The following UBE2E2 variants were observed in gnomAD, a reference collection of about 807,000 sequenced individuals.
UBE2E2 encodes the protein ubiquitin conjugating enzyme E2 E2, also known as ubiquitin-conjugating enzyme E2 E2.
A neutral mutation model predicts 24.7 loss-of-function variants in UBE2E2; 6 were observed. The ratio of observed to expected loss-of-function variants is 0.24; its 90% confidence interval spans 0.13 to 0.48. The LOEUF (loss-of-function observed/expected upper bound fraction) is 0.48. Among genes scored for constraint, UBE2E2 ranks in the 20% least tolerant of loss-of-function variants. The pLI, the probability that UBE2E2 is intolerant of heterozygous loss-of-function variation, is 0.99. For synonymous variants in UBE2E2, 104 were observed against 83.6 expected (o/e 1.24, Z -1.33); for missense variants, 169 against 245.0 (o/e 0.69, Z 2.07).
chr3:23,466,334 G>A (rs751304282), intron 3 of UBE2E2, among the ~76,000 whole-genome samples: 5 of 152,142 alleles, frequency 3.3e-5, no homozygotes, highest in African/African-American at 4.8e-5. Context: ...CCTGAAATAC[G>A]CATGATGATC....
Position 23,280,202 on chromosome 3 carries a change from ATAAC to A in UBE2E2, c.227+62895_227+62898del, listed in dbSNP as rs1698457584. Among the ~76,000 whole-genome samples the A allele has an allele frequency of 6.6e-6, 1 of 152,218 alleles. No homozygotes were observed. The highest frequency in any genetic ancestry group is 1.5e-5 in the Non-Finnish European group (1 of 68,042). On this transcript the variant is annotated intron_variant, in intron 3 of 5. Coordinates refer to ENST00000396703, the MANE Select transcript of UBE2E2 (RefSeq NM_152653.4). This position sits in a 1 kb window ranked among gnomAD's most constrained non-coding sequence, Gnocchi z 4.3. The stretch of plus-strand genomic sequence containing the variant: ...CAAAGGTAGGCTGTGGGTACCAAAG[ATAAC>A]TAACCTATAATAACCTATTTTGGGG...
intron 4 of UBE2E2, among the ~76,000 whole-genome samples, chr3:23,531,180 A>T (rs1027195312): frequency 2.6e-5 from 4 of 152,122 alleles, no homozygotes; most frequent in African/African-American, 7.2e-5. Flanking sequence ...GCATCATGTA[A>T]ATTACATAAA....
chr3:23,283,056 G>A (rs891122642), intron 3 of UBE2E2, among the ~76,000 whole-genome samples: 1 of 152,112 alleles, frequency 6.6e-6, no homozygotes, highest in Non-Finnish European at 1.5e-5. Flanking sequence ...TCCAGAGATA[G>A]TCTTTAAACT....
chr3:23,268,632 G>A (rs997656465), intron 3 of UBE2E2, among the ~76,000 whole-genome samples: 381 of 148,188 alleles, frequency 2.6e-3, no homozygotes, highest in African/African-American at 8.6e-3. Context: ...ACTGCCCAAG[G>A]TAATTTATAG....
chr3:23,274,022 A>G (rs1698318835), intron 3 of UBE2E2: 1 of 152,260 alleles, frequency 6.6e-6, no homozygotes, highest in South Asian at 2.1e-4. Flanking sequence ...ACAATGGGAA[A>G]AAAAATGCTG....
intron 3 of UBE2E2, among the ~76,000 whole-genome samples, chr3:23,289,642 A>G (rs1487475819): frequency 6.6e-6 from 1 of 152,196 alleles, no homozygotes; most frequent in Non-Finnish European, 1.5e-5. Flanking sequence ...TACATTTTAC[A>G]CATCTTTTCT....
chr3:23,460,996 G>A (rs2125425033), intron 3 of UBE2E2, among the ~76,000 whole-genome samples: 1 of 152,232 alleles, frequency 6.6e-6, no homozygotes, highest in African/African-American at 2.4e-5. Context: ...CCATTTTATA[G>A]ATAAGGAAAC....
At chr3:23,438,803 G>T (rs1187622412) in intron 3 of UBE2E2, among the ~76,000 whole-genome samples, 4 of 152,140 alleles carry the variant, frequency 2.6e-5, no homozygotes, top group African/African-American at 9.7e-5. Context: ...TTTGGTTTCA[G>T]CTGTATTCAT....
chr3:23,221,049 A>G (rs919242340), intron 3 of UBE2E2, among the ~76,000 whole-genome samples: 2 of 152,226 alleles, frequency 1.3e-5, no homozygotes, highest in Non-Finnish European at 2.9e-5. Context: ...TGCTACTGCT[A>G]AAGTTTGTAT....
intron 4 of UBE2E2, among the ~76,000 whole-genome samples, chr3:23,505,217 G>A (rs890010258): frequency 4.0e-5 from 6 of 151,498 alleles, no homozygotes; most frequent in African/African-American, 7.3e-5. Flanking sequence ...CACCGCCGCC[G>A]GCCTGTGTTA....
At chr3:23,530,993 G>A (rs1190472073) in intron 4 of UBE2E2, among the ~76,000 whole-genome samples, 1 of 152,154 alleles carries the variant, frequency 6.6e-6, no homozygotes, top group South Asian at 2.1e-4. Flanking sequence ...AAGAATGTTG[G>A]TTATATTTTC....
rs529742529 is a variant in UBE2E2 at position 23,232,365 on chromosome 3, T to C, written c.227+15053T>C. On this transcript the variant is annotated intron_variant, in intron 3 of 5. Coordinates refer to ENST00000396703, the MANE Select transcript of UBE2E2 (RefSeq NM_152653.4). ...TGCATGTTGTTTCATAAATACCTTT[T>C]ACCTGACGTAGTCAAGAAATAAAAA... 7.9e-5 allele frequency among the ~76,000 whole-genome samples: 12 copies of C among 152,372 alleles called. No individual in the cohort carries two copies. In the South Asian group the frequency reaches 2.1e-3, roughly 26 times the overall value.
chr3:23,575,490 A>T lies in UBE2E2; in HGVS notation c.509-14244A>T, dbSNP rs139114232. ...AAAGTGTTCCTTCATATTAGAAAAA[A>T]TGGACTAAGGACATGAACAAAATAC... On this transcript the variant is annotated intron_variant, in intron 5 of 5. Coordinates refer to ENST00000396703, the MANE Select transcript of UBE2E2 (RefSeq NM_152653.4). Among the ~76,000 whole-genome samples the T allele has an allele frequency of 1.5e-4, 23 of 152,296 alleles. 1 individual carries two copies. In the East Asian group the frequency reaches 3.7e-3, roughly 24 times the overall value.
intron 5 of UBE2E2, among the ~76,000 whole-genome samples, chr3:23,578,005 C>T (rs1696385719): frequency 7.6e-6 from 1 of 132,342 alleles, no homozygotes; most frequent in Non-Finnish European, 1.6e-5. Flanking sequence ...AGACCTACCT[C>T]TCAGAAAAAA....
chr3:23,397,119 G>T (rs917241484), intron 3 of UBE2E2, among the ~76,000 whole-genome samples: 1 of 152,132 alleles, frequency 6.6e-6, no homozygotes, highest in Non-Finnish European at 1.5e-5. Flanking sequence ...TGTCATATAT[G>T]ATCGATCGTG....
intron 3 of UBE2E2, among the ~76,000 whole-genome samples, chr3:23,312,487 T>A (rs1559343866): frequency 6.6e-6 from 1 of 151,996 alleles, no homozygotes; most frequent in African/African-American, 2.4e-5. Flanking sequence ...TTTTTTTTTT[T>A]AATCCGTTAA....
chr3:23,420,232 G>A lies in UBE2E2; in HGVS notation c.228-79376G>A, dbSNP rs531640511. 8.5e-5 allele frequency among the ~76,000 whole-genome samples: 13 copies of A among 152,300 alleles called. No individual in the cohort carries two copies. In the South Asian group the frequency reaches 2.7e-3, roughly 32 times the overall value. On this transcript the variant is annotated intron_variant, in intron 3 of 5. Coordinates refer to ENST00000396703, the MANE Select transcript of UBE2E2 (RefSeq NM_152653.4). The stretch of plus-strand genomic sequence containing the variant: ...TGTAGCCATCATAGCATCTGACACA[G>A]TGCATTGCATATTGTAAGAGCCCAG...
intron 3 of UBE2E2, among the ~76,000 whole-genome samples, chr3:23,278,033 G>A (rs142155252): frequency 2.1e-4 from 32 of 152,092 alleles, no homozygotes; most frequent in East Asian, 1.3e-3. Context: ...ATATCCAGTC[G>A]GCTTTTATGA....
At chr3:23,386,678 C>T (rs1018972875) in intron 3 of UBE2E2, among the ~76,000 whole-genome samples, 3 of 152,042 alleles carry the variant, frequency 2.0e-5, no homozygotes, top group Non-Finnish European at 2.9e-5. Flanking sequence ...ATATTAAGAG[C>T]CATCGTCACA....
Sources: gnomAD v4.1 joint callset for allele counts (sites outside exome capture counted in the v4.1 genomes callset) on GRCh38, gnomAD v4.1.1 for gene constraint, Gnocchi (gnomAD v3.1) non-coding constraint, MANE v1.5 for transcripts, NCBI Gene and HGNC (gene_info 2026-07-23, HGNC 2026-07-21) for gene names.